The following SKIL variants were observed in gnomAD, a reference collection of about 807,000 sequenced individuals.
SKIL encodes the protein SKI like proto-oncogene, also known as ski-like protein.
SKIL carries 20 observed loss-of-function variants against 69.6 expected under a neutral mutation model. The ratio of observed to expected loss-of-function variants is 0.29; its 90% CI spans 0.20 to 0.42. The LOEUF (loss-of-function observed/expected upper bound fraction) is 0.42. Ranked by LOEUF, SKIL falls within the 10% of genes least tolerant of loss-of-function variation. The pLI is 1.00. For missense variants in SKIL, 745 were observed against 783.1 expected, an observed-to-expected ratio of 0.95 and a Z score of 0.58; for synonymous variants, 310 against 279.9, an observed-to-expected ratio of 1.11 and a Z score of -1.08.
chr3:170,391,525 T>TG (rs1737919563), intron 6 of SKIL, among the ~76,000 whole-genome samples: 1 of 152,098 alleles, frequency 6.6e-6, no homozygotes, highest in Non-Finnish European at 1.5e-5. Context: ...TTCACCATGT[T>TG]GGTCAGTCTG....
chr3:170,373,683 A>G (rs1736890991), intron 2 of SKIL, among the ~76,000 whole-genome samples: 1 of 152,182 alleles, frequency 6.6e-6, no homozygotes, highest in Admixed American at 6.5e-5. Context: ...TTTGAAAATA[A>G]GTTCCAGCTT....
At chr3:170,358,865 A>G (rs1489557373) in intron 1 of SKIL, among the ~76,000 whole-genome samples, 2 of 152,222 alleles carry the variant, frequency 1.3e-5, no homozygotes, top group East Asian at 1.9e-4. Flanking sequence ...GCTTCCATTA[A>G]GTAAAATCGC....
At chr3:170,389,720 A>G (rs921533082) in intron 4 of SKIL, among the ~76,000 whole-genome samples, 23 of 152,228 alleles carry the variant, frequency 1.5e-4, no homozygotes, top group African/African-American at 5.5e-4. Flanking sequence ...ATTCTGTTCT[A>G]CTGATCTGTA....
At chr3:170,389,099 C>T (rs1456157013) in intron 4 of SKIL, among the ~76,000 whole-genome samples, 2 of 150,986 alleles carry the variant, frequency 1.3e-5, no homozygotes, top group Non-Finnish European at 3.0e-5. Context: ...TGGTGAACTC[C>T]TGACCTCAGG....
chr3:170,384,684 A>C lies in SKIL; in HGVS notation c.1348A>C (p.Thr450Pro). Residue 450 changes from threonine to proline, a missense_variant, in exon 4 of 7, where the codon ACA (threonine) becomes CCA (proline). Transcript: ENST00000259119. ...KAHSSGKLQK[T>P]VSYPDVSLEE... ...TCACAGTAGTGGTAAACTTCAAAAA[A>C]CAGTGTCTTATCCAGATGTCTCACT... 6.2e-7 allele frequency: 1 copy of C among 1,613,336 alleles called. No homozygotes were observed. The highest frequency in any genetic ancestry group is 8.5e-7 in the Non-Finnish European group (1 of 1,179,332).
intron 4 of SKIL, among the ~76,000 whole-genome samples, chr3:170,388,281 GT>G (rs1022029809): frequency 6.6e-6 from 1 of 152,014 alleles, no homozygotes; most frequent in Non-Finnish European, 1.5e-5. Flanking sequence ...ATCTTTTCAT[GT>G]TTTTCTTGGA....
At chr3:170,368,617 T>C (rs1020812981) in intron 2 of SKIL, among the ~76,000 whole-genome samples, 9 of 152,200 alleles carry the variant, frequency 5.9e-5, no homozygotes, top group Non-Finnish European at 1.2e-4. Context: ...TATTGAAATA[T>C]TATGTATTTG....
rs1159910971 is a variant in SKIL, at chr3:170,360,854, C to G, written c.523C>G (p.Leu175Val). The stretch of plus-strand genomic sequence containing the variant: ...TTTGCCCCAAGTCTTAAATTCTGTT[C>G]TCCGAGAATTTACACTCCAGCAAAT... ...LCLPQVLNSV[L>V]REFTLQQINT... is the part of the protein sequence containing the mutation. Residue 175 changes from leucine (L) to valine (V), a missense_variant, in exon 2 of 7, where the codon CTC becomes GTC. By Grantham distance (32) the Leu-to-Val change is conservative. Transcript: ENST00000259119. 6.2e-7 allele frequency: 1 copy of G among 1,614,104 alleles called. No individual in the cohort carries two copies. The highest frequency in any genetic ancestry group is 2.2e-5 in the East Asian group (1 of 44,882).
At chr3:170,378,615 G>A (rs906137637) in intron 2 of SKIL, among the ~76,000 whole-genome samples, 15 of 145,326 alleles carry the variant, frequency 1.0e-4, no homozygotes, top group East Asian at 4.1e-4. Context: ...GCAGTGGCGC[G>A]AACTCAGCTC....
At chr3:170,375,280 G>A (rs775777796) in intron 2 of SKIL, among the ~76,000 whole-genome samples, 19 of 152,142 alleles carry the variant, frequency 1.2e-4, no homozygotes, top group Non-Finnish European at 2.4e-4. Flanking sequence ...GAGCTAAGAG[G>A]GATGACTGTT....
At chr3:170,363,365 G>A (rs545845275) in intron 2 of SKIL, among the ~76,000 whole-genome samples, 1 of 152,262 alleles carries the variant, frequency 6.6e-6, no homozygotes, top group South Asian at 2.1e-4. Flanking sequence ...GCCTAATGAA[G>A]ATAATAATTT....
chr3:170,361,812 C>A (rs1354060886), intron 2 of SKIL, among the ~76,000 whole-genome samples: 1 of 150,906 alleles, frequency 6.6e-6, no homozygotes, highest in Non-Finnish European at 1.5e-5. Context: ...GTCTTGAACT[C>A]CTGACCGCGT....
At chr3:170,384,860 C>G in intron 4 of SKIL, 95 bp downstream of exon 4, 1 of 659,196 alleles carries the variant, frequency 1.5e-6, no homozygotes, top group Non-Finnish European at 2.6e-6. Flanking sequence ...GCTAAATTTT[C>G]AGATAATTGG....
intron 4 of SKIL, 29 bp from the exon 5 acceptor site, chr3:170,390,194 C>G: frequency 6.5e-7 from 1 of 1,535,754 alleles, no homozygotes; most frequent in Non-Finnish European, 9.0e-7. Flanking sequence ...GATATTCATA[C>G]TTTGTTACTT....
intron 2 of SKIL, among the ~76,000 whole-genome samples, chr3:170,365,988 T>C (rs993338669): frequency 1.7e-4 from 26 of 151,392 alleles, no homozygotes; most frequent in Non-Finnish European, 3.1e-4. Context: ...ACTCCTGACC[T>C]CAGATGATCC....
intron 2 of SKIL, among the ~76,000 whole-genome samples, chr3:170,372,491 C>T (rs1736841078): frequency 6.6e-6 from 1 of 152,186 alleles, no homozygotes; most frequent in South Asian, 2.1e-4. Context: ...AAGTGAGGCC[C>T]AAGACTAAGC....
chr3:170,375,818 A>G (rs1737006227), intron 2 of SKIL, among the ~76,000 whole-genome samples: 1 of 152,042 alleles, frequency 6.6e-6, no homozygotes, highest in African/African-American at 2.4e-5. Context: ...GGACTCAAGC[A>G]GTCCTTGTGC....
chr3:170,366,688 C>G (rs201428937), intron 2 of SKIL, among the ~76,000 whole-genome samples: 26 of 140,766 alleles, frequency 1.8e-4, no homozygotes, highest in South Asian at 6.8e-4. Context: ...CACACACACA[C>G]ACACACAGAC....
At chr3:170,378,640 C>T (rs888160956) in intron 2 of SKIL, among the ~76,000 whole-genome samples, 2 of 150,128 alleles carry the variant, frequency 1.3e-5, no homozygotes, top group Admixed American at 6.7e-5. Flanking sequence ...CAACCTCTGC[C>T]TCCCGGATTC....
Sources: gnomAD v4.1 joint callset for allele counts (sites outside exome capture counted in the v4.1 genomes callset) on GRCh38, gnomAD v4.1.1 for gene constraint, MANE v1.5 for transcripts, NCBI Gene and HGNC (gene_info 2026-07-23, HGNC 2026-07-21) for gene names.